The following CACNA1C variants were observed in gnomAD, a reference collection of about 807,000 sequenced individuals.
The protein encoded by CACNA1C is calcium voltage-gated channel subunit alpha1 C.
Under a neutral mutation model 229.0 loss-of-function variants are expected in CACNA1C, and 30 were observed. That is an observed-to-expected ratio of 0.13 (90% CI 0.10 to 0.18). CACNA1C has a LOEUF of 0.18. Ranked by LOEUF, CACNA1C falls within the 10% of genes least tolerant of loss-of-function variation. CACNA1C has a pLI of 1.00. For missense variants in CACNA1C, 1,658 were observed against 2,845.0 expected, an observed-to-expected ratio of 0.58 and a Z score of 9.49; for synonymous variants, 1,114 against 1,132.5, an observed-to-expected ratio of 0.98 and a Z score of 0.33.
intron 8 of CACNA1C, among the ~76,000 whole-genome samples, chr12:2,508,617 C>T (rs2099776896): frequency 6.6e-6 from 1 of 152,186 alleles, no homozygotes; most frequent in Admixed American, 6.5e-5. Context: ...CATGCCACTG[C>T]ACTCCAGCCT....
Position 2,632,246 on chromosome 12 carries a change from T to A in CACNA1C, c.3829-2051T>A, listed in dbSNP as rs1158762815. Among the ~76,000 whole-genome samples the A allele has an allele frequency of 6.6e-6, 1 of 151,594 alleles. No individual in the cohort carries two copies. The highest frequency in any genetic ancestry group is 2.4e-5 in the African/African-American group (1 of 41,184). On this transcript the variant is annotated intron_variant, in intron 29 of 46. Transcript: ENST00000399655. The surrounding 1 kb of genome is among the most constrained non-coding windows in gnomAD (Gnocchi z 4.1). ...GAAGACAAATCTCTGTAGTACTCGG[T>A]CCTTCCCCCTCCACCCATGGGGAAT...
intron 9 of CACNA1C, among the ~76,000 whole-genome samples, chr12:2,532,281 C>T (rs900096764): frequency 3.3e-5 from 5 of 152,190 alleles, no homozygotes; most frequent in African/African-American, 1.2e-4. Context: ...GGAGCTCTTG[C>T]CTCTTGCCTC....
intron 3 of CACNA1C, among the ~76,000 whole-genome samples, chr12:2,209,357 C>T (rs60879858): frequency 0.029 from 4,394 of 152,130 alleles, 190 homozygotes; most frequent in African/African-American, 0.099. Flanking sequence ...GTATGTTCGA[C>T]GGTTGTAATA....
At position 2,677,588 on chromosome 12, in the gene CACNA1C, C is replaced by A; in HGVS notation, c.4957-145C>A. 1.1e-6 allele frequency: 1 copy of A among 909,126 alleles called. No homozygotes were observed. Among genetic ancestry groups the A allele is most frequent in the Non-Finnish European group, 1.7e-6 (1 of 591,132 alleles). The allele number at this position is 909,126 out of a possible 1,614,324, so 56.3% of individuals were successfully genotyped here. ...AGGGCAGCCCAGCCCCCAGTTCACA[C>A]ACACACAAACCTTCCGGAGGGTCGA... On this transcript the variant is annotated intron_variant, in intron 40 of 46. Coordinates refer to ENST00000399655, the MANE Select transcript of CACNA1C (RefSeq NM_000719.7). The surrounding 1 kb of genome is among the most constrained non-coding windows in gnomAD (Gnocchi z 7.4).
rs2067676031 is a variant in CACNA1C, at chr12:2,595,438, T to C, written c.2664-436T>C. Among the ~76,000 whole-genome samples the C allele has an allele frequency of 6.6e-6, 1 of 152,116 alleles. No homozygotes were observed. The highest frequency in any genetic ancestry group is 1.5e-5 in the Non-Finnish European group (1 of 68,024). On this transcript the variant is annotated intron_variant, in intron 19 of 46. Transcript: ENST00000399655. The surrounding 1 kb of genome is among the most constrained non-coding windows in gnomAD (Gnocchi z 4.1). ...GAAGTGAATTGCACATTTAAAGCTA[T>C]TACACAGGAGCAGATCACCTACAGA...
chr12:2,177,626 T>TTC (rs1164080924), intron 3 of CACNA1C, among the ~76,000 whole-genome samples: 1 of 92,746 alleles, frequency 1.1e-5, no homozygotes, highest in Non-Finnish European at 2.3e-5. Context: ...CCTTCCTTCC[T>TTC]TCTCTCTCTC....
intron 10 of CACNA1C, among the ~76,000 whole-genome samples, chr12:2,554,080 A>G (rs2042776915): frequency 6.6e-6 from 1 of 152,222 alleles, no homozygotes; most frequent in Admixed American, 6.5e-5. Context: ...TAGTAAACAT[A>G]TGGCACTCTT....
chr12:2,392,441 A>G (rs1189490155), intron 3 of CACNA1C, among the ~76,000 whole-genome samples: 2 of 152,164 alleles, frequency 1.3e-5, no homozygotes, highest in Middle Eastern at 3.2e-3. Context: ...CTGTCTGGGC[A>G]CCTAAGCAGA....
chr12:2,690,886 C>T lies in CACNA1C; in HGVS notation c.6118-14C>T, dbSNP rs2153890795. On this transcript the variant is annotated splice_polypyrimidine_tract_variant and intron_variant, in intron 46 of 46. Transcript: ENST00000399655. Reference sequence around the variant, plus strand: ...TTCCTTTGGTTCTTCATGGCTCCCACCCCGCTCCTTCAGGTCTTGATTTCA... The same window carrying T: ...TTCCTTTGGTTCTTCATGGCTCCCATCCCGCTCCTTCAGGTCTTGATTTCA... The T allele has an allele frequency of 3.2e-6, 5 of 1,545,324 alleles. No individual in the cohort carries two copies. The highest frequency in any genetic ancestry group is 1.4e-5 in the African/African-American group (1 of 73,282).
chr12:2,622,899 A>G (rs1444928290), intron 29 of CACNA1C, among the ~76,000 whole-genome samples: 1 of 152,176 alleles, frequency 6.6e-6, no homozygotes, highest in African/African-American at 2.4e-5. Flanking sequence ...GGGCCTCAGG[A>G]CAGATCTTCA....
chr12:2,456,774 A>C (rs2099428649), intron 4 of CACNA1C, among the ~76,000 whole-genome samples: 1 of 152,128 alleles, frequency 6.6e-6, no homozygotes, highest in Non-Finnish European at 1.5e-5. Context: ...CTCAGCACTC[A>C]TCACTCTAAG....
chr12:2,429,472 T>A (rs994446154), intron 3 of CACNA1C, among the ~76,000 whole-genome samples: 31 of 152,000 alleles, frequency 2.0e-4, no homozygotes, highest in Non-Finnish European at 4.1e-4. Flanking sequence ...GGGGTTGGAG[T>A]CAGAAAACTT....
chr12:2,409,635 G>T (rs186462793), intron 3 of CACNA1C, among the ~76,000 whole-genome samples: 10 of 152,242 alleles, frequency 6.6e-5, no homozygotes, highest in African/African-American at 2.4e-4. Context: ...ATGTTTGTCT[G>T]TTGTTCCCCT....
chr12:2,310,342 T>TAAAAAAAAAAAA (rs1262171750), intron 3 of CACNA1C, among the ~76,000 whole-genome samples: 2 of 144,238 alleles, frequency 1.4e-5, no homozygotes, highest in African/African-American at 5.3e-5. Flanking sequence ...GCCTCCCAGT[T>TAAAAAAAAAAAA]AAAAAAAAAA....
chr12:2,617,712 A>G (rs908480796), intron 29 of CACNA1C, among the ~76,000 whole-genome samples: 7 of 152,144 alleles, frequency 4.6e-5, no homozygotes, highest in Non-Finnish European at 7.4e-5. Context: ...ATGTGGCTCA[A>G]ATGGAAGGGT....
At chr12:2,329,989 A>T (rs1254887319) in intron 3 of CACNA1C, among the ~76,000 whole-genome samples, 1 of 152,228 alleles carries the variant, frequency 6.6e-6, no homozygotes, top group Non-Finnish European at 1.5e-5. Flanking sequence ...GTGTTGTTTG[A>T]AAATACATAT....
At chr12:1,997,053 A>G (rs946754990) in intron 1 of CACNA1C, among the ~76,000 whole-genome samples, 2 of 152,228 alleles carry the variant, frequency 1.3e-5, no homozygotes, top group African/African-American at 4.8e-5. Context: ...TTGAGCCAAT[A>G]TACATAATGT....
At chr12:2,116,067 G>A (rs1385407405) in intron 2 of CACNA1C, among the ~76,000 whole-genome samples, 1 of 152,212 alleles carries the variant, frequency 6.6e-6, no homozygotes, top group Non-Finnish European at 1.5e-5. Context: ...GGAGGGCCCT[G>A]AAGCAGTGGT....
At chr12:2,187,377 A>G (rs561194455) in intron 3 of CACNA1C, among the ~76,000 whole-genome samples, 2 of 152,294 alleles carry the variant, frequency 1.3e-5, no homozygotes, top group East Asian at 3.9e-4. Context: ...GGCCAAAGAT[A>G]CAAATCAGCA....
Sources: allele counts gnomAD v4.1 joint callset (sites outside exome capture counted in the v4.1 genomes callset), GRCh38; gene constraint gnomAD v4.1.1; non-coding constraint Gnocchi (gnomAD v3.1); transcripts MANE v1.5; gene names NCBI Gene and HGNC (gene_info 2026-07-23, HGNC 2026-07-21).